ADCY7: variants seen among roughly 807,000 people sequenced by gnomAD.
The protein encoded by ADCY7 is adenylate cyclase 7, also known as adenylate cyclase type 7.
Under a neutral mutation model 120.6 loss-of-function variants are expected in ADCY7, and 72 were observed. The ratio of observed to expected loss-of-function variants is 0.60; its 90% CI spans 0.49 to 0.73. The LOEUF (loss-of-function observed/expected upper bound fraction) is 0.73, where lower values mean the gene tolerates loss of function less well. Ranked by LOEUF, ADCY7 falls within the 30% of genes least tolerant of loss-of-function variation. The pLI, the probability that ADCY7 is intolerant of heterozygous loss-of-function variation, is 0.00. For missense variants in ADCY7, 1,227 were observed against 1,486.0 expected (o/e 0.83, Z 2.87); for synonymous variants, 661 against 628.0 (o/e 1.05, Z -0.78).
Position 50,288,318 on chromosome 16 carries a change from G to A in ADCY7, c.139G>A (p.Val47Met), listed in dbSNP as rs371889230. The A allele has an allele frequency of 9.4e-5, 146 of 1,550,418 alleles. 1 individual carries two copies. Among genetic ancestry groups the A allele is most frequent in the Non-Finnish European group, 1.2e-4 (136 of 1,146,522 alleles). Residue 47 changes from valine to methionine, a missense_variant, in exon 2 of 26, where the codon GTG (valine) becomes ATG (methionine). Val to Met is a conservative substitution (Grantham distance 21). Around this residue, in one of 5 missense-constraint regions of ADCY7, gnomAD observed 382 missense variants for 411.4 expected, o/e 0.93. Coordinates refer to ENST00000673801, the MANE Select transcript of ADCY7 (RefSeq NM_001114.5). ...CCTGCTGGTGGCCGCCACTGCCTGC[G>A]TGGCCCTCATCATCATTGCCTTCAG... ...TLLLVAATAC[V>M]ALIIIAFSQG... is the part of the protein sequence containing the mutation.
intron 1 of ADCY7, among the ~76,000 whole-genome samples, chr16:50,286,994 G>T (rs1272990149): frequency 1.3e-5 from 2 of 150,766 alleles, no homozygotes; most frequent in Non-Finnish European, 2.9e-5. Context: ...CAGTACAGCA[G>T]CTGCATGTAG....
At position 50,288,287 on chromosome 16, in the gene ADCY7, C is replaced by T; in HGVS notation, c.108C>T (p.Leu36=). ...CCAGCCAGCATGGGCCGCTGCTGCT[C>T]ACGCTCCTGCTGGTGGCCGCCACTG... is the stretch of plus-strand genomic sequence containing the variant. ...QLTSQHGPLL[L]TLLLVAATAC... Residue 36 remains leucine (L), a synonymous_variant, in exon 2 of 26, where the codon CTC becomes CTT. Transcript: ENST00000673801. 1.3e-6 allele frequency: 2 copies of T among 1,551,020 alleles called. No homozygotes were observed. Among genetic ancestry groups the T allele is most frequent in the Non-Finnish European group, 1.7e-6 (2 of 1,146,900 alleles).
chr16:50,257,382 T>G (rs1279827422), intron 1 of ADCY7, among the ~76,000 whole-genome samples: 1 of 152,142 alleles, frequency 6.6e-6, no homozygotes, highest in East Asian at 1.9e-4. Context: ...AGTGGAGGAA[T>G]AAGTTTTTTG....
upstream of ADCY7, among the ~76,000 whole-genome samples, chr16:50,245,354 C>T (rs2150764787): frequency 6.6e-6 from 1 of 152,262 alleles, no homozygotes; most frequent in South Asian, 2.1e-4. Context: ...GAGCTTTAGA[C>T]CAGTGGGAAA....
chr16:50,278,305 T>G (rs1378296109), intron 1 of ADCY7, among the ~76,000 whole-genome samples: 1 of 152,186 alleles, frequency 6.6e-6, no homozygotes, highest in Non-Finnish European at 1.5e-5. Flanking sequence ...CCTACCTAAG[T>G]GCCAAGATTA....
intron 1 of ADCY7, among the ~76,000 whole-genome samples, chr16:50,279,986 C>T (rs1230117163): frequency 6.6e-6 from 1 of 152,118 alleles, no homozygotes; most frequent in Non-Finnish European, 1.5e-5. Context: ...GTCCCTCTTC[C>T]TCAATTTTTT....
chr16:50,313,829 C>G, intron 22 of ADCY7, 129 bp from the exon 23 acceptor site: 1 of 702,888 alleles, frequency 1.4e-6, no homozygotes, highest in Non-Finnish European at 2.5e-6. Context: ...GCTGGCAGGG[C>G]AGCCATGAGA....
intron 2 of ADCY7, 122 bp from the exon 3 acceptor site, chr16:50,290,335 T>C (rs916211745): frequency 2.9e-6 from 3 of 1,042,686 alleles, no homozygotes; most frequent in East Asian, 2.6e-5. Context: ...TGTGGGAGGG[T>C]GCATCCACAC....
chr16:50,293,569 C>T lies in ADCY7; in HGVS notation c.836+67C>T, dbSNP rs758525092. ...GCCCACCGTTCCACCGGCCCCCAGG[C>T]GGCCTCCCCGCCCTATCTGGAGGCT... is the stretch of plus-strand genomic sequence containing the variant. On this transcript the variant is annotated intron_variant, in intron 6 of 25. Transcript: ENST00000673801. The T allele has an allele frequency of 2.2e-4, 347 of 1,555,762 alleles. 1 individual carries two copies. Among genetic ancestry groups the T allele is most frequent in the Non-Finnish European group, 2.5e-4 (292 of 1,146,030 alleles).
In ADCY7 at chr16:50,317,917, C is replaced by CAA. The variant is rs1555527791; in HGVS notation, c.*2413_*2414insAA. On this transcript the variant is annotated 3_prime_UTR_variant, in exon 26 of 26. Transcript: ENST00000673801. ...CCTAACAAACAAACAAACAAACAAA[C>CAA]AGAAGAGAAGATCATTAACCACTGT... The CAA allele has an allele frequency of 6.6e-6, 1 of 151,018 alleles. No individual in the cohort carries two copies. Among genetic ancestry groups the CAA allele is most frequent in the Non-Finnish European group, 1.5e-5 (1 of 67,472 alleles). 9.4% of individuals were successfully genotyped at this position (151,018 alleles called of 1,614,324 possible). A position where few individuals can be genotyped will look rare whatever the true frequency, so the allele number is the denominator to read the frequency against.
upstream of ADCY7, among the ~76,000 whole-genome samples, chr16:50,262,979 A>G (rs1210537039): frequency 1.3e-5 from 2 of 152,196 alleles, no homozygotes; most frequent in Non-Finnish European, 2.9e-5. Context: ...TTACCTTGTA[A>G]TGGGGTTAGG....
intron 7 of ADCY7, 92 bp from the exon 8 acceptor site, chr16:50,298,812 C>CGG (rs2035524676): frequency 3.3e-6 from 5 of 1,515,550 alleles, no homozygotes; most frequent in Non-Finnish European, 4.5e-6. Flanking sequence ...AGGAGAGAGC[C>CGG]GGGTGCACCC....
Position 50,288,042 on chromosome 16 carries a change from C to G in ADCY7, c.-138C>G, listed in dbSNP as rs2034690546. 5.7e-6 allele frequency: 6 copies of G among 1,046,490 alleles called. No homozygotes were observed. In the South Asian group the frequency reaches 1.1e-4, roughly 19 times the overall value. 64.8% of individuals were successfully genotyped at this position (1,046,490 alleles called of 1,614,324 possible). A position where few individuals can be genotyped will look rare whatever the true frequency, so the allele number is the denominator to read the frequency against. On this transcript the variant is annotated 5_prime_UTR_variant, in exon 2 of 26. Transcript: ENST00000673801. ...CCATGGAGCAGCAGGCCCAGAGGCC[C>G]TCTCCCCAGCCCTGCTTGCCTGCCT...
intron 1 of ADCY7, among the ~76,000 whole-genome samples, chr16:50,274,740 C>T (rs2033777994): frequency 6.6e-6 from 1 of 152,122 alleles, no homozygotes; most frequent in Non-Finnish European, 1.5e-5. Context: ...CCATGGGTGG[C>T]ACGCTGAGCT....
intron 15 of ADCY7, 80 bp from the exon 16 acceptor site, chr16:50,308,241 GGTGGCT>G: frequency 1.4e-6 from 2 of 1,472,958 alleles, no homozygotes; most frequent in Non-Finnish European, 1.9e-6. Context: ...GGTGGGGACA[GGTGGCT>G]GTGAGCCAGA....
At position 50,316,867 on chromosome 16, in the gene ADCY7, T is replaced by A. The variant is rs2036823992; in HGVS notation, c.*1362T>A. The A allele has an allele frequency of 6.6e-6, 1 of 152,354 alleles. No homozygotes were observed. Among genetic ancestry groups the A allele is most frequent in the Non-Finnish European group, 1.5e-5 (1 of 68,026 alleles). 9.4% of individuals were successfully genotyped at this position (152,354 alleles called of 1,614,324 possible). A position where few individuals can be genotyped will look rare whatever the true frequency, so the allele number is the denominator to read the frequency against. Reference sequence around the variant, plus strand: ...TCGCCAGGATTTCTAATGCACTCAGTTTCCCTACATAGCAGGGATTCTTAG... The same window carrying A: ...TCGCCAGGATTTCTAATGCACTCAGATTCCCTACATAGCAGGGATTCTTAG... On this transcript the variant is annotated 3_prime_UTR_variant, in exon 26 of 26. Coordinates refer to ENST00000673801, the MANE Select transcript of ADCY7 (RefSeq NM_001114.5).
chr16:50,281,790 G>C (rs1301995284), intron 1 of ADCY7, among the ~76,000 whole-genome samples: 1 of 152,202 alleles, frequency 6.6e-6, no homozygotes, highest in East Asian at 1.9e-4. Flanking sequence ...GTCCCACGAG[G>C]TTTACTGGGG....
chr16:50,312,090 C>G lies in ADCY7; in HGVS notation c.2503C>G (p.His835Asp). The G allele has an allele frequency of 6.2e-7, 1 of 1,614,218 alleles. No homozygotes were observed. The highest frequency in any genetic ancestry group is 8.5e-7 in the Non-Finnish European group (1 of 1,180,042). Reference sequence around the variant, plus strand: ...ATGGAAGAAGAAGTTCAAGAAGGAGCACGAGGAGTTTGAGACCATGGAGAA... The same window carrying G: ...ATGGAAGAAGAAGTTCAAGAAGGAGGACGAGGAGTTTGAGACCATGGAGAA... ...CLWKKKFKKE[H>D]EEFETMENVN... Residue 835 changes from histidine to aspartate, a missense_variant, in exon 21 of 26, where the codon CAC becomes GAC. Transcript: ENST00000673801.
intron 3 of ADCY7, among the ~76,000 whole-genome samples, chr16:50,291,205 TG>T (rs1358446403): frequency 4.6e-5 from 7 of 152,130 alleles, no homozygotes; most frequent in Non-Finnish European, 5.9e-5. Flanking sequence ...CCAGTGGGCC[TG>T]GGTCCTATGA....
Sources: allele counts gnomAD v4.1 joint callset (sites outside exome capture counted in the v4.1 genomes callset), GRCh38; gene constraint gnomAD v4.1.1; regional missense constraint gnomAD v4.1.1; transcripts MANE v1.5; gene names NCBI Gene and HGNC (gene_info 2026-07-23, HGNC 2026-07-21).